Variants in ARHGEF12 observed in about 807,000 individuals in gnomAD.
ARHGEF12 encodes KMT2A/ARHGEF12 fusion protein.
In ARHGEF12, 66 loss-of-function variants were observed where a neutral mutation model predicts 211.2. That is an observed-to-expected ratio of 0.31 (90% CI 0.26 to 0.38). The LOEUF (loss-of-function observed/expected upper bound fraction) is 0.38. Ranked by LOEUF, ARHGEF12 falls within the 10% of genes least tolerant of loss-of-function variation. The pLI is 1.00. For synonymous variants in ARHGEF12, 592 were observed against 638.4 expected, an observed-to-expected ratio of 0.93 and a Z score of 1.09; for missense variants, 1,429 against 1,869.5, an observed-to-expected ratio of 0.76 and a Z score of 4.34.
chr11:120,367,946 A>G (rs11217840), intron 1 of ARHGEF12, among the ~76,000 whole-genome samples: 63,233 of 151,998 alleles, frequency 0.42, 13,421 homozygotes, highest in African/African-American at 0.47. Context: ...GTGCCACTGC[A>G]CCCCAGCCTG....
At chr11:120,371,003 C>T (rs1367566095) in intron 1 of ARHGEF12, among the ~76,000 whole-genome samples, 1 of 152,144 alleles carries the variant, frequency 6.6e-6, no homozygotes, top group East Asian at 1.9e-4. Context: ...ATAATTAAGT[C>T]AACTTTTCTG....
chr11:120,353,590 G>A (rs1204079536), intron 1 of ARHGEF12, among the ~76,000 whole-genome samples: 5 of 152,104 alleles, frequency 3.3e-5, no homozygotes, highest in African/African-American at 7.2e-5. Context: ...AGCCCTCCTC[G>A]ATAGGGATAC....
rs1224866274 is a variant in ARHGEF12 at position 120,458,200 on chromosome 11, A to G, written c.2346A>G (p.Lys782=). 1 of 1,613,762 alleles carries G rather than the reference A, an allele frequency of 6.2e-7. No homozygotes were observed. Residue 782 remains lysine, a synonymous_variant, in exon 25 of 41, where the codon AAA becomes AAG. Transcript: ENST00000397843. The part of the protein sequence containing the change: ...LVSREVLLGL[K]PCEIKRQEVI... Reference sequence around the variant, plus strand: ...GTCGAGAAGTGTTACTGGGACTAAAACCTTGTGAAATCAAAAGACAGGAAG... The same window carrying G: ...GTCGAGAAGTGTTACTGGGACTAAAGCCTTGTGAAATCAAAAGACAGGAAG...
Position 120,486,445 on chromosome 11 carries a change from C to T in ARHGEF12, c.*1368C>T, listed in dbSNP as rs1947400262. On this transcript the variant is annotated 3_prime_UTR_variant, in exon 41 of 41. Coordinates refer to ENST00000397843, the MANE Select transcript of ARHGEF12 (RefSeq NM_015313.3). ...CAGGCAAGGTGTTGGTAACTGCCTGCTCTAGGATGAATAGTAGCGTTAGCA... is the reference window on the plus strand; with the variant it reads ...CAGGCAAGGTGTTGGTAACTGCCTGTTCTAGGATGAATAGTAGCGTTAGCA... The T allele has an allele frequency of 8.6e-6, 2 of 231,546 alleles. No homozygotes were observed. Among genetic ancestry groups the T allele is most frequent in the African/African-American group, 4.4e-5 (2 of 45,276 alleles). The allele number at this position is 231,546 out of a possible 1,614,324, so 14.3% of individuals were successfully genotyped here. A position where few individuals can be genotyped will look rare whatever the true frequency, so the allele number is the denominator to read the frequency against.
chr11:120,480,104 A>G lies in ARHGEF12; in HGVS notation c.3911A>G (p.Lys1304Arg), dbSNP rs766648219. Reference sequence around the variant, plus strand: ...GTCATCCAGAACTCTGAAAATATTAAGGCCTATCATTCTGGTGAAGGACAT... The same window carrying G: ...GTCATCCAGAACTCTGAAAATATTAGGGCCTATCATTCTGGTGAAGGACAT... ...DSVIQNSENI[K>R]AYHSGEGHMP... The change falls in exon 38 of 41, where the codon AAG (lysine) becomes AGG (arginine). Residue 1304 changes from lysine to arginine, a missense_variant. Around this residue, in one of 7 missense-constraint regions of ARHGEF12, gnomAD observed 467 missense variants for 468.4 expected, o/e 1.00. Transcript: ENST00000397843. 5 of 1,614,214 alleles carry G rather than the reference A, an allele frequency of 3.1e-6. No individual in the cohort carries two copies. The South Asian group carries it at 5.5e-5, about 18-fold the overall frequency.
chr11:120,386,235 A>G (rs1417356965), intron 1 of ARHGEF12, among the ~76,000 whole-genome samples: 2 of 152,192 alleles, frequency 1.3e-5, no homozygotes, highest in South Asian at 4.1e-4. Context: ...CTGTAAATAC[A>G]GGAACCAAGG....
At chr11:120,414,171 A>T (rs1341483484) in intron 4 of ARHGEF12, among the ~76,000 whole-genome samples, 1 of 152,228 alleles carries the variant, frequency 6.6e-6, no homozygotes, top group African/African-American at 2.4e-5. Flanking sequence ...TTGATATAAC[A>T]TCTTTACTTC....
intron 4 of ARHGEF12, chr11:120,411,824 A>G (rs1444887816): frequency 2.6e-5 from 4 of 151,238 alleles, no homozygotes; most frequent in Non-Finnish European, 5.9e-5. Context: ...AGGGGAAAAA[A>G]AAAAAAGAAA....
At position 120,336,929 on chromosome 11, in the gene ARHGEF12, C is replaced by T. The variant is rs1942367608; in HGVS notation, c.-315C>T. ...CCGGCGGGAGTCCCGGGTCCCCTTCCCACTGCGCGCGGATTTCCCTCTCTG... is the reference window on the plus strand; with the variant it reads ...CCGGCGGGAGTCCCGGGTCCCCTTCTCACTGCGCGCGGATTTCCCTCTCTG... On this transcript the variant is annotated 5_prime_UTR_variant, in exon 1 of 41. Coordinates refer to ENST00000397843, the MANE Select transcript of ARHGEF12 (RefSeq NM_015313.3). 1.1e-5 allele frequency: 5 copies of T among 444,244 alleles called. 1 individual carries two copies. The South Asian group carries it at 2.8e-4, about 25-fold the overall frequency. 27.5% of individuals were successfully genotyped at this position (444,244 alleles called of 1,614,324 possible). A position where few individuals can be genotyped will look rare whatever the true frequency, so the allele number is the denominator to read the frequency against.
chr11:120,412,009 C>T (rs1321220505), intron 4 of ARHGEF12, among the ~76,000 whole-genome samples: 2 of 152,056 alleles, frequency 1.3e-5, no homozygotes, highest in East Asian at 3.9e-4. Context: ...AAAAGGAAAC[C>T]AAGTGTTTGC....
In ARHGEF12 at chr11:120,447,053, A is replaced by G. The variant is rs746242155; in HGVS notation, c.1557A>G (p.Ala519=). ...CTTTGGAGAAGGAGCGGACATGTGC[A>G]GAACAGATTGTTGCCAAAATTGAAG... is the stretch of plus-strand genomic sequence containing the variant. ...RLTLEKERTC[A]EQIVAKIEEV... Residue 519 remains alanine, a synonymous_variant, in exon 18 of 41, where the codon GCA becomes GCG. Transcript: ENST00000397843. 1 of 1,614,152 alleles carries G rather than the reference A, an allele frequency of 6.2e-7. No homozygotes were observed. Among genetic ancestry groups the G allele is most frequent in the South Asian group, 1.1e-5 (1 of 91,064 alleles).
intron 1 of ARHGEF12, among the ~76,000 whole-genome samples, chr11:120,377,165 C>T (rs1943749598): frequency 6.6e-6 from 1 of 152,144 alleles, no homozygotes; most frequent in East Asian, 1.9e-4. Flanking sequence ...GTGTGTACTT[C>T]GATGAGCTTT....
rs896131098 is a variant in ARHGEF12, at chr11:120,440,171, C to T, written c.1042C>T (p.Pro348Ser). ...CGGAAGTCCCTCAACCCGTATAGCA[C>T]CTCATATTATTGGAGCAGAAGATGA... ...LVGSPSTRIA[P>S]HIIGAEDDDF... Residue 348 changes from proline (P) to serine (S), a missense_variant, in exon 13 of 41, where the codon CCT (proline) becomes TCT (serine). By Grantham distance (74) the Pro-to-Ser change is moderately conservative. This residue lies in a region of ARHGEF12 where 254 missense variants were observed against 286.4 expected (regional missense o/e 0.89). Coordinates refer to ENST00000397843, the MANE Select transcript of ARHGEF12 (RefSeq NM_015313.3). The T allele has an allele frequency of 6.2e-7, 1 of 1,613,712 alleles. No individual in the cohort carries two copies. Among genetic ancestry groups the T allele is most frequent in the African/African-American group, 1.3e-5 (1 of 74,850 alleles).
chr11:120,336,608 G>A lies in ARHGEF12; in HGVS notation c.-636G>A, dbSNP rs1326070351. ...CAGTCCGCGGCGCTGAGAGACCCGG[G>A]TCCCTGTCACCTCGGGCCGCGGGAC... On this transcript the variant is annotated 5_prime_UTR_variant, in exon 1 of 41. Coordinates refer to ENST00000397843, the MANE Select transcript of ARHGEF12 (RefSeq NM_015313.3). Among the ~76,000 whole-genome samples the A allele has an allele frequency of 6.6e-6, 1 of 152,132 alleles. No homozygotes were observed. The highest frequency in any genetic ancestry group is 1.5e-5 in the Non-Finnish European group (1 of 68,002).
chr11:120,472,963 G>A, intron 30 of ARHGEF12, 87 bp from the exon 31 acceptor site: 1 of 1,333,180 alleles, frequency 7.5e-7, no homozygotes, highest in South Asian at 1.2e-5. Flanking sequence ...CCAAAATGGA[G>A]ATTTTAAATG....
intron 1 of ARHGEF12, among the ~76,000 whole-genome samples, chr11:120,356,510 C>T (rs972578246): frequency 1.4e-4 from 22 of 152,190 alleles, no homozygotes; most frequent in Admixed American, 3.9e-4. Context: ...TGAGCCACTG[C>T]GCCCAGCCTC....
intron 1 of ARHGEF12, among the ~76,000 whole-genome samples, chr11:120,398,786 A>G (rs1382251176): frequency 6.6e-6 from 1 of 152,194 alleles, no homozygotes; most frequent in African/African-American, 2.4e-5. Context: ...TTAATGCAGA[A>G]GGTGTTATAT....
intron 26 of ARHGEF12, among the ~76,000 whole-genome samples, chr11:120,460,071 C>T (rs1184464597): frequency 1.3e-5 from 2 of 152,150 alleles, no homozygotes; most frequent in East Asian, 3.8e-4. Context: ...AAAATTCTAC[C>T]TTGTTGACAT....
chr11:120,457,546 G>A (rs912953948), intron 23 of ARHGEF12, 175 bp from the exon 24 acceptor site: 15 of 468,298 alleles, frequency 3.2e-5, no homozygotes, highest in African/African-American at 4.0e-5. Context: ...ACTCATAACT[G>A]AAATGTAGAA....
Sources: gnomAD v4.1 joint callset for allele counts (sites outside exome capture counted in the v4.1 genomes callset) on GRCh38, gnomAD v4.1.1 for gene constraint, gnomAD v4.1.1 regional missense constraint, MANE v1.5 for transcripts, NCBI Gene and HGNC (gene_info 2026-07-23, HGNC 2026-07-21) for gene names.